The following DYNC2LI1 variants were observed in gnomAD, a reference collection of about 807,000 sequenced individuals.
The protein encoded by DYNC2LI1 is dynein cytoplasmic 2 light intermediate chain 1, also known as cytoplasmic dynein 2 light intermediate chain 1.
A neutral mutation model predicts 51.9 loss-of-function variants in DYNC2LI1; 45 were observed. The ratio of observed to expected loss-of-function variants is 0.87; its 90% confidence interval spans 0.68 to 1.11. The LOEUF is 1.11. Ranked by LOEUF, DYNC2LI1 falls within the 50% of genes most tolerant of loss-of-function variation. DYNC2LI1 has a pLI of 0.00. For synonymous variants in DYNC2LI1, 130 were observed against 137.8 expected (o/e 0.94, Z 0.40); for missense variants, 490 against 417.4 (o/e 1.17, Z -1.51).
At chr2:43,810,616 C>A, downstream of DYNC2LI1, 1 of 675,010 alleles carries the variant, frequency 1.5e-6, no homozygotes, top group Non-Finnish European at 1.8e-6. Flanking sequence ...CAGATAAGCA[C>A]ATTTACTACC....
chr2:43,813,103 G>A (rs1210910613), downstream of DYNC2LI1: 1 of 1,041,118 alleles, frequency 9.6e-7, no homozygotes, highest in Admixed American at 1.7e-5. Context: ...CATTTTCCCA[G>A]CCATGGCTTT....
downstream of DYNC2LI1, chr2:43,810,517 C>A (rs2104732105): frequency 1.0e-6 from 1 of 985,056 alleles, no homozygotes; most frequent in Non-Finnish European, 1.2e-6. Flanking sequence ...TAGCCAAGTT[C>A]ATTTTGAGTA....
chr2:43,794,712 C>G (rs1242608849), intron 6 of DYNC2LI1, 69 bp downstream of exon 6: 1 of 1,610,526 alleles, frequency 6.2e-7, no homozygotes. Flanking sequence ...ACATCACAAA[C>G]AACTTCTTTA....
chr2:43,827,872 T>C, the DYNC2LI1 span: 1 of 1,518,306 alleles, frequency 6.6e-7, no homozygotes, highest in East Asian at 2.4e-5. Flanking sequence ...TGATTTCAGT[T>C]GTACACAAAC....
intron 1 of DYNC2LI1, among the ~76,000 whole-genome samples, chr2:43,775,525 G>T (rs1020549581): frequency 4.6e-5 from 7 of 151,320 alleles, no homozygotes; most frequent in African/African-American, 9.7e-5. Flanking sequence ...GGGAGACAAG[G>T]TCTTGCTGTG....
In DYNC2LI1 at chr2:43,774,781, A is replaced by G. The variant is rs532016609; in HGVS notation, c.8+635A>G. On this transcript the variant is annotated intron_variant, in intron 1 of 12. Transcript: ENST00000260605. ...AGAATTGTCAGCTTTCCATCAAGGG[A>G]TAATTGGTTAGTTATAAAGCTATGG... is the stretch of plus-strand genomic sequence containing the variant. Among the ~76,000 whole-genome samples the G allele has an allele frequency of 9.2e-5, 14 of 151,666 alleles. No individual in the cohort carries two copies. In the South Asian group the frequency reaches 2.7e-3, roughly 29 times the overall value.
the DYNC2LI1 span, among the ~76,000 whole-genome samples, chr2:43,818,263 G>A: frequency 0.12 from 18,298 of 152,024 alleles, 1,410 homozygotes; most frequent in Middle Eastern, 0.27. Flanking sequence ...GGCCAACATG[G>A]CGAAACCCCA....
chr2:43,820,002 A>C, the DYNC2LI1 span: 2 of 1,614,212 alleles, frequency 1.2e-6, no homozygotes, highest in Non-Finnish European at 1.7e-6. Flanking sequence ...GACGATACCA[A>C]GTAGCACAAG....
At chr2:43,823,794 A>C in the DYNC2LI1 span, 12 of 1,174,626 alleles carry the variant, frequency 1.0e-5, no homozygotes, top group Non-Finnish European at 1.3e-5. Flanking sequence ...GGGAACCTGG[A>C]GAGGGCTGGG....
At chr2:43,791,446 G>A (rs1375252111) in intron 5 of DYNC2LI1, among the ~76,000 whole-genome samples, 1 of 152,098 alleles carries the variant, frequency 6.6e-6, no homozygotes, top group Non-Finnish European at 1.5e-5. Context: ...TCATCCCAAG[G>A]GTTAATACCT....
the DYNC2LI1 span, among the ~76,000 whole-genome samples, chr2:43,819,502 A>G: frequency 6.7e-6 from 1 of 148,966 alleles, no homozygotes; most frequent in Non-Finnish European, 1.5e-5. Context: ...TTGTCTGACT[A>G]GTCTTAATTC....
intron 12 of DYNC2LI1, among the ~76,000 whole-genome samples, chr2:43,806,864 G>T (rs1162856330): frequency 6.6e-6 from 1 of 152,012 alleles, no homozygotes; most frequent in Non-Finnish European, 1.5e-5. Context: ...ACTGCCAGCA[G>T]ATCACCAATT....
chr2:43,813,354 G>C (rs1271446200), downstream of DYNC2LI1: 1 of 1,397,726 alleles, frequency 7.2e-7, no homozygotes, highest in South Asian at 1.2e-5. Context: ...TTTATCTCAG[G>C]TAATTTAATC....
At chr2:43,777,744 C>G (rs1358314630) in intron 2 of DYNC2LI1, among the ~76,000 whole-genome samples, 1 of 152,222 alleles carries the variant, frequency 6.6e-6, no homozygotes, top group African/African-American at 2.4e-5. Context: ...GAGCACCCGT[C>G]TTGTCTCCAG....
chr2:43,824,801 T>C, the DYNC2LI1 span: 1 of 1,569,230 alleles, frequency 6.4e-7, no homozygotes. Context: ...AAAAATCAAA[T>C]CCACTAGACT....
chr2:43,797,873 C>T (rs1343785751), intron 8 of DYNC2LI1, among the ~76,000 whole-genome samples: 3 of 152,098 alleles, frequency 2.0e-5, no homozygotes, highest in Non-Finnish European at 2.9e-5. Context: ...CACCTGTAGT[C>T]CTAACACTTT....
the DYNC2LI1 span, among the ~76,000 whole-genome samples, chr2:43,825,568 C>A: frequency 5.9e-4 from 90 of 152,238 alleles, no homozygotes; most frequent in African/African-American, 2.1e-3. Context: ...CTATTAACAA[C>A]TGTGTGATCT....
intron 1 of DYNC2LI1, among the ~76,000 whole-genome samples, chr2:43,776,025 GTTTTC>G (rs1427058580): frequency 6.6e-6 from 1 of 151,266 alleles, no homozygotes; most frequent in Non-Finnish European, 1.5e-5. Flanking sequence ...TTTTTTGTTT[GTTTTC>G]TTTTCTTCTT....
At chr2:43,808,958 A>T (rs969422280) in intron 12 of DYNC2LI1, among the ~76,000 whole-genome samples, 1 of 129,754 alleles carries the variant, frequency 7.7e-6, no homozygotes, top group African/African-American at 3.6e-5. Flanking sequence ...TCACTGGGAC[A>T]AAGGATACAC....
Sources: allele counts gnomAD v4.1 joint callset (sites outside exome capture counted in the v4.1 genomes callset), GRCh38; gene constraint gnomAD v4.1.1; transcripts MANE v1.5; gene names NCBI Gene and HGNC (gene_info 2026-07-23, HGNC 2026-07-21).